Variants in CDH12 observed in about 807,000 individuals in gnomAD.
CDH12 encodes the protein cadherin-12.
A neutral mutation model predicts 74.1 loss-of-function variants in CDH12; 41 were observed. The ratio of observed to expected loss-of-function variants is 0.55; its 90% CI spans 0.43 to 0.72. The LOEUF is 0.72. CDH12 is among the 30% of genes least tolerant of loss of function. The pLI is 0.00. For missense variants in CDH12, 945 were observed against 977.2 expected (o/e 0.97, Z 0.44); for synonymous variants, 399 against 355.0 (o/e 1.12, Z -1.39).
At chr5:22,650,266 G>A (rs1483790002) in intron 1 of CDH12, among the ~76,000 whole-genome samples, 6 of 151,986 alleles carry the variant, frequency 3.9e-5, no homozygotes, top group African/African-American at 7.2e-5. Flanking sequence ...ACTTCAGAGG[G>A]AGGGTTTGTT....
At chr5:22,146,694 T>G (rs1416221237) in intron 4 of CDH12, among the ~76,000 whole-genome samples, 2 of 152,136 alleles carry the variant, frequency 1.3e-5, no homozygotes, top group African/African-American at 2.4e-5. Context: ...TGTAAAAGAT[T>G]GGAAGTGTCC....
In CDH12 at chr5:22,819,280, A is replaced by C. The variant is rs76398790; in HGVS notation, c.-523+33778T>G. ...AAAGTCTGACAGGCATGCCATTTTT[A>C]CAACAGAGAAAACTGCAAATTAACT... On this transcript the variant is annotated intron_variant, in intron 1 of 14. Coordinates refer to ENST00000382254, the MANE Select transcript of CDH12 (RefSeq NM_004061.5). Among the ~76,000 whole-genome samples, 713 of 152,284 alleles carry C rather than the reference A, an allele frequency of 4.7e-3. 8 individuals carry two copies. Among genetic ancestry groups the C allele is most frequent in the African/African-American group, 0.016 (679 of 41,580 alleles).
chr5:22,153,888 A>ATGT (rs1561168544), intron 4 of CDH12, among the ~76,000 whole-genome samples: 4 of 57,234 alleles, frequency 7.0e-5, no homozygotes, highest in Non-Finnish European at 1.4e-4. Flanking sequence ...ATATATATAT[A>ATGT]AATATATATA....
At chr5:22,252,685 G>A (rs533946358) in intron 3 of CDH12, among the ~76,000 whole-genome samples, 1 of 151,934 alleles carries the variant, frequency 6.6e-6, no homozygotes, top group South Asian at 2.1e-4. Context: ...CTGCAACAGC[G>A]TGATATATAC....
At chr5:22,202,147 T>TTTCTTTCCTTCC (rs1554020295) in intron 4 of CDH12, among the ~76,000 whole-genome samples, 2 of 41,060 alleles carry the variant, frequency 4.9e-5, no homozygotes, top group Non-Finnish European at 1.0e-4. Context: ...CCCTCCCTAC[T>TTTCTTTCCTTCC]TTCCTTCCTT....
intron 4 of CDH12, among the ~76,000 whole-genome samples, chr5:22,110,484 T>C (rs1744744887): frequency 6.7e-6 from 1 of 148,936 alleles, no homozygotes; most frequent in South Asian, 2.2e-4. Flanking sequence ...GGGGTGGGGG[T>C]GGCTAGGCAA....
chr5:22,080,040 G>A (rs1019375998), intron 4 of CDH12, among the ~76,000 whole-genome samples: 6 of 152,142 alleles, frequency 3.9e-5, no homozygotes, highest in Non-Finnish European at 8.8e-5. Context: ...CGTGGCTCTA[G>A]AACAAGGGTG....
At chr5:22,480,712 G>A (rs1746354621) in intron 2 of CDH12, among the ~76,000 whole-genome samples, 2 of 152,036 alleles carry the variant, frequency 1.3e-5, no homozygotes, top group African/African-American at 4.8e-5. Context: ...GTTTCCAAAG[G>A]TGTTGCCGAT....
At chr5:22,082,971 A>G (rs1031621948) in intron 4 of CDH12, among the ~76,000 whole-genome samples, 2 of 152,100 alleles carry the variant, frequency 1.3e-5, no homozygotes, top group African/African-American at 4.8e-5. Flanking sequence ...GTAGAATTTT[A>G]TGTTTACTAG....
chr5:21,800,859 T>C (rs928875582), intron 10 of CDH12, among the ~76,000 whole-genome samples: 1 of 152,134 alleles, frequency 6.6e-6, no homozygotes, highest in Non-Finnish European at 1.5e-5. Flanking sequence ...CCTTCACACG[T>C]TGTGTCTTGC....
At chr5:22,801,116 C>A (rs534512361) in intron 1 of CDH12, among the ~76,000 whole-genome samples, 1 of 152,084 alleles carries the variant, frequency 6.6e-6, no homozygotes, top group Non-Finnish European at 1.5e-5. Flanking sequence ...AAGGAACTAC[C>A]GCATTGTCTT....
intron 9 of CDH12, among the ~76,000 whole-genome samples, chr5:21,815,005 T>C (rs1455529073): frequency 6.6e-6 from 1 of 152,068 alleles, no homozygotes; most frequent in Non-Finnish European, 1.5e-5. Context: ...AAATTTAACA[T>C]AAATGCTTAA....
intron 4 of CDH12, among the ~76,000 whole-genome samples, chr5:22,138,360 T>C (rs1462068552): frequency 6.6e-6 from 1 of 151,568 alleles, no homozygotes; most frequent in Non-Finnish European, 1.5e-5. Flanking sequence ...TAATATAAAA[T>C]TTAGAAAGAT....
At chr5:22,339,417 T>C (rs756020468) in intron 3 of CDH12, among the ~76,000 whole-genome samples, 3 of 152,236 alleles carry the variant, frequency 2.0e-5, no homozygotes, top group Non-Finnish European at 4.4e-5. Context: ...AGTTAAGTGC[T>C]TAAAGCACAG....
chr5:22,831,791 A>G (rs1736626505), intron 1 of CDH12, among the ~76,000 whole-genome samples: 2 of 151,950 alleles, frequency 1.3e-5, no homozygotes, highest in Admixed American at 6.6e-5. Context: ...CAAGCTACTC[A>G]GGAGGCTGAG....
intron 1 of CDH12, among the ~76,000 whole-genome samples, chr5:22,730,316 C>T (rs919526305): frequency 6.6e-6 from 1 of 151,452 alleles, no homozygotes; most frequent in African/African-American, 2.4e-5. Flanking sequence ...AGGATAAGAC[C>T]CAATCATGTC....
chr5:22,035,043 G>A (rs895302959), intron 5 of CDH12, among the ~76,000 whole-genome samples: 3 of 152,180 alleles, frequency 2.0e-5, no homozygotes, highest in Non-Finnish European at 4.4e-5. Context: ...AGGATCTGCT[G>A]TACGTTTTTT....
intron 4 of CDH12, among the ~76,000 whole-genome samples, chr5:22,113,340 A>G (rs1744919153): frequency 6.6e-6 from 1 of 152,090 alleles, no homozygotes; most frequent in Non-Finnish European, 1.5e-5. Context: ...GAGATTAACT[A>G]AAAGTCTAGC....
chr5:22,012,757 T>A (rs1737375503), intron 5 of CDH12, among the ~76,000 whole-genome samples: 1 of 145,184 alleles, frequency 6.9e-6, no homozygotes, highest in Non-Finnish European at 1.5e-5. Flanking sequence ...CTTAAGCAAG[T>A]TATTTCATTT....
Sources: gnomAD v4.1 joint callset for allele counts (sites outside exome capture counted in the v4.1 genomes callset) on GRCh38, gnomAD v4.1.1 for gene constraint, MANE v1.5 for transcripts, NCBI Gene and HGNC (gene_info 2026-07-23, HGNC 2026-07-21) for gene names.